Variants in COQ5 observed in about 807,000 individuals in gnomAD.
COQ5 encodes 2-methoxy-6-polyprenyl-1,4-benzoquinol methylase, mitochondrial.
Under a neutral mutation model 40.5 loss-of-function variants are expected in COQ5, and 27 were observed. That is an observed-to-expected ratio of 0.67 (90% CI 0.49 to 0.92). The LOEUF is 0.92. Among genes scored for constraint, COQ5 ranks in the 40% least tolerant of loss-of-function variants. The probability of loss-of-function intolerance (pLI) is 0.00; values close to 1 mark genes in which losing one functional copy is unlikely to be tolerated. For missense variants in COQ5, 409 were observed against 406.4 expected (o/e 1.01, Z -0.06); for synonymous variants, 141 against 150.0 (o/e 0.94, Z 0.44).
intron 1 of COQ5, among the ~76,000 whole-genome samples, chr12:120,528,451 T>C (rs931538529): frequency 5.9e-5 from 9 of 152,112 alleles, no homozygotes; most frequent in Admixed American, 5.9e-4. Flanking sequence ...ATAATGTCTG[T>C]ACGTTGCCTG....
At chr12:120,522,990 A>G (rs1424116899) in intron 1 of COQ5, 2 of 556,362 alleles carry the variant, frequency 3.6e-6, no homozygotes, top group East Asian at 2.8e-5. Flanking sequence ...GGCAAAGCGC[A>G]TGTTCCTCAG....
intron 2 of COQ5, among the ~76,000 whole-genome samples, chr12:120,520,509 A>G (rs1869595891): frequency 6.6e-6 from 1 of 152,006 alleles, no homozygotes; most frequent in East Asian, 1.9e-4. Flanking sequence ...TATTTTTAGT[A>G]GAGACAGGGT....
In COQ5 at chr12:120,524,610, G is replaced by A. The variant is rs141206480; in HGVS notation, c.203-2247C>T. Among the ~76,000 whole-genome samples, 7 of 152,184 alleles carry A rather than the reference G, an allele frequency of 4.6e-5. No homozygotes were observed. In the East Asian group the frequency reaches 9.7e-4, roughly 21 times the overall value. On this transcript the variant is annotated intron_variant, in intron 1 of 6. Transcript: ENST00000288532. Reference sequence around the variant, plus strand: ...ACCTCAGTTTCTCTGCCCGTAAGACGGCTATATCAGTGCCAGCTCCCTATC... The same window carrying A: ...ACCTCAGTTTCTCTGCCCGTAAGACAGCTATATCAGTGCCAGCTCCCTATC...
chr12:120,512,888 T>C (rs1869197622), intron 3 of COQ5, among the ~76,000 whole-genome samples: 1 of 149,506 alleles, frequency 6.7e-6, no homozygotes, highest in African/African-American at 2.5e-5. Flanking sequence ...CAAAACCCTA[T>C]CTCTAATAAA....
At position 120,503,986 on chromosome 12, in the gene COQ5, C is replaced by G. The variant is rs775225793; in HGVS notation, c.866G>C (p.Arg289Pro). 1 of 1,611,920 alleles carries G rather than the reference C, an allele frequency of 6.2e-7. No individual in the cohort carries two copies. The highest frequency in any genetic ancestry group is 8.5e-7 in the Non-Finnish European group (1 of 1,178,108). The change falls in exon 6 of 7, where the codon CGA (arginine) becomes CCA (proline). Residue 289 changes from arginine (R) to proline (P), a missense_variant. Coordinates refer to ENST00000288532, the MANE Select transcript of COQ5 (RefSeq NM_032314.4). The part of the protein sequence containing the change: ...KSYQYLVESI[R>P]RFPSQEEFKD... The stretch of plus-strand genomic sequence containing the variant: ...GTTTCATACCTGAGACGGAAACCTT[C>G]GGATACTCTCTACAAGGTACTGATA...
chr12:120,512,145 G>A (rs941565440), intron 3 of COQ5, among the ~76,000 whole-genome samples: 1 of 152,088 alleles, frequency 6.6e-6, no homozygotes, highest in African/African-American at 2.4e-5. Flanking sequence ...GGGAGGTGGA[G>A]CTTGCAGTGA....
intron 1 of COQ5, chr12:120,527,031 T>C (rs1236566422): frequency 6.6e-6 from 1 of 151,868 alleles, no homozygotes; most frequent in African/African-American, 2.4e-5. Context: ...TGGCAATTTT[T>C]TTACAAGGAA....
chr12:120,518,172 A>G (rs1329332041), intron 2 of COQ5, among the ~76,000 whole-genome samples: 1 of 152,066 alleles, frequency 6.6e-6, no homozygotes, highest in Non-Finnish European at 1.5e-5. Context: ...TGATCCCAGC[A>G]CTTCAGGCTT....
intron 3 of COQ5, among the ~76,000 whole-genome samples, chr12:120,513,209 A>G (rs1216901192): frequency 1.3e-5 from 2 of 149,786 alleles, no homozygotes; most frequent in Non-Finnish European, 1.5e-5. Flanking sequence ...CATTAAAAAA[A>G]AAAGTAGTTA....
chr12:120,521,588 T>C (rs905796264), intron 2 of COQ5, among the ~76,000 whole-genome samples: 4 of 148,208 alleles, frequency 2.7e-5, no homozygotes, highest in African/African-American at 7.5e-5. Flanking sequence ...AGGCAGAGAA[T>C]TGCTTGAACC....
chr12:120,515,867 G>A (rs1869353714), intron 3 of COQ5, among the ~76,000 whole-genome samples: 1 of 152,180 alleles, frequency 6.6e-6, no homozygotes, highest in African/African-American at 2.4e-5. Flanking sequence ...GCTAATAGGT[G>A]GAGGCTGCTA....
chr12:120,524,998 A>G (rs1188613593), intron 1 of COQ5, among the ~76,000 whole-genome samples: 1 of 151,092 alleles, frequency 6.6e-6, no homozygotes, highest in African/African-American at 2.4e-5. Flanking sequence ...TTTTTAGTAG[A>G]GATGGGGTTT....
intron 1 of COQ5, chr12:120,527,515 T>C (rs985756763): frequency 6.6e-6 from 1 of 152,238 alleles, no homozygotes; most frequent in African/African-American, 2.4e-5. Context: ...GGTCATTGTG[T>C]ATGACTTCAG....
At chr12:120,528,740 G>A (rs938380566) in intron 1 of COQ5, among the ~76,000 whole-genome samples, 200 bp downstream of exon 1, 1 of 151,442 alleles carries the variant, frequency 6.6e-6, no homozygotes, top group African/African-American at 2.4e-5. Flanking sequence ...GGAGGCGGAG[G>A]TTGCAGTGAG....
chr12:120,503,746 A>C lies in COQ5; in HGVS notation c.*38T>G, dbSNP rs1214144127. ...TATCCTTCAGTTCCAGGCTTTCAAC[A>C]GGATATGACTGGTTCATGCTCCATG... is the stretch of plus-strand genomic sequence containing the variant. On this transcript the variant is annotated 3_prime_UTR_variant, in exon 7 of 7. Coordinates refer to ENST00000288532, the MANE Select transcript of COQ5 (RefSeq NM_032314.4). The C allele has an allele frequency of 1.0e-5, 15 of 1,472,874 alleles. No individual in the cohort carries two copies. The highest frequency in any genetic ancestry group is 1.4e-5 in the Non-Finnish European group (15 of 1,051,748). The allele number at this position is 1,472,874 out of a possible 1,614,324, so 91.2% of individuals were successfully genotyped here. A position where few individuals can be genotyped will look rare whatever the true frequency, so the allele number is the denominator to read the frequency against.
intron 1 of COQ5, chr12:120,522,707 G>A: frequency 7.6e-6 from 5 of 655,562 alleles, no homozygotes; most frequent in Non-Finnish European, 1.4e-5. Flanking sequence ...GGGAGCCTAA[G>A]CTGGAGCTGC....
intron 3 of COQ5, among the ~76,000 whole-genome samples, chr12:120,511,762 G>A (rs934679527): frequency 1.3e-5 from 2 of 152,138 alleles, no homozygotes; most frequent in African/African-American, 4.8e-5. Context: ...CTTGACTAAG[G>A]TTATACAGTC....
chr12:120,507,583 C>T (rs1868938614), intron 4 of COQ5, among the ~76,000 whole-genome samples: 1 of 149,670 alleles, frequency 6.7e-6, no homozygotes, highest in Non-Finnish European at 1.5e-5. Context: ...CACGCCCGGC[C>T]TCTATTCAAC....
chr12:120,522,462 T>C, intron 1 of COQ5, 99 bp from the exon 2 acceptor site: 1 of 1,186,148 alleles, frequency 8.4e-7, no homozygotes, highest in Non-Finnish European at 1.3e-6. Context: ...TGAAATGACC[T>C]GGCTTTGCAA....
Sources: allele counts gnomAD v4.1 joint callset (sites outside exome capture counted in the v4.1 genomes callset), GRCh38; gene constraint gnomAD v4.1.1; transcripts MANE v1.5; gene names NCBI Gene and HGNC (gene_info 2026-07-23, HGNC 2026-07-21).